MICU1: variants seen among roughly 807,000 people sequenced by gnomAD.
The protein encoded by MICU1 is mitochondrial calcium uptake 1.
In MICU1, 45 loss-of-function variants were observed where a neutral mutation model predicts 56.8. That is an observed-to-expected ratio of 0.79 (90% CI 0.62 to 1.02). The LOEUF is 1.02. MICU1 is among the 50% of genes least tolerant of loss of function. The pLI, the probability that MICU1 is intolerant of heterozygous loss-of-function variation, is 0.00. For synonymous variants in MICU1, 186 were observed against 195.1 expected, an observed-to-expected ratio of 0.95 and a Z score of 0.39; for missense variants, 504 against 587.1, an observed-to-expected ratio of 0.86 and a Z score of 1.46.
intron 10 of MICU1, among the ~76,000 whole-genome samples, chr10:72,390,164 G>A (rs1188264968): frequency 2.0e-5 from 3 of 151,842 alleles, no homozygotes; most frequent in Non-Finnish European, 2.9e-5. Context: ...TTTTCAAATG[G>A]TAGGAGGGGC....
At chr10:72,601,498 G>A (rs958954048) in intron 1 of MICU1, among the ~76,000 whole-genome samples, 3 of 150,702 alleles carry the variant, frequency 2.0e-5, no homozygotes, top group Admixed American at 6.6e-5. Context: ...AGTAAAAAGT[G>A]TATATATATG....
chr10:72,604,829 T>C (rs911480623), intron 1 of MICU1, among the ~76,000 whole-genome samples: 1 of 152,204 alleles, frequency 6.6e-6, no homozygotes, highest in African/African-American at 2.4e-5. Context: ...TAGCTAATCA[T>C]TTCTAGATAC....
intron 8 of MICU1, among the ~76,000 whole-genome samples, chr10:72,427,759 T>C (rs1057047557): frequency 1.3e-5 from 1 of 78,978 alleles, no homozygotes; most frequent in African/African-American, 4.5e-5. Flanking sequence ...TATATATATA[T>C]ATATATATAT....
chr10:72,441,914 G>A (rs1421399569), intron 8 of MICU1, among the ~76,000 whole-genome samples: 2 of 151,840 alleles, frequency 1.3e-5, no homozygotes, highest in African/African-American at 4.8e-5. Context: ...CACCACACCC[G>A]GTCTCAAGTC....
chr10:72,449,440 G>A (rs1865227469), intron 8 of MICU1, among the ~76,000 whole-genome samples: 1 of 152,002 alleles, frequency 6.6e-6, no homozygotes, highest in African/African-American at 2.4e-5. Flanking sequence ...GTCTCACTAT[G>A]TTGCCCAGGC....
chr10:72,521,964 T>A (rs1867836448), intron 5 of MICU1, among the ~76,000 whole-genome samples: 1 of 152,114 alleles, frequency 6.6e-6, no homozygotes, highest in Non-Finnish European at 1.5e-5. Context: ...TTATAATTTT[T>A]AATTAATAAA....
At chr10:72,439,115 C>A (rs1296660466) in intron 8 of MICU1, among the ~76,000 whole-genome samples, 1 of 152,130 alleles carries the variant, frequency 6.6e-6, no homozygotes, top group African/African-American at 2.4e-5. Context: ...AATTTTAGAC[C>A]AATATCGCTG....
rs1178258717 is a variant in MICU1, at chr10:72,495,970, A to T, written c.652+12185T>A. Among the ~76,000 whole-genome samples the T allele has an allele frequency of 3.4e-5, 5 of 145,392 alleles. No individual in the cohort carries two copies. The East Asian group carries it at 6.0e-4, about 17-fold the overall frequency. On this transcript the variant is annotated intron_variant, in intron 6 of 11. Coordinates refer to ENST00000361114, the MANE Select transcript of MICU1 (RefSeq NM_001195518.2). ...TATTCATACTAAGTCATCATTTGGAATTTTTTTTTTTTTTGAGACAAGGTC... is the reference window on the plus strand; with the variant it reads ...TATTCATACTAAGTCATCATTTGGATTTTTTTTTTTTTTTGAGACAAGGTC...
chr10:72,605,019 T>C (rs1363813368), intron 1 of MICU1, among the ~76,000 whole-genome samples: 1 of 152,146 alleles, frequency 6.6e-6, no homozygotes, highest in African/African-American at 2.4e-5. Flanking sequence ...ATGCCTAACA[T>C]GCAGCAAATT....
rs757843728 is a variant in MICU1, at chr10:72,408,015, T to G, written c.1094A>C (p.Glu365Ala). 1 of 1,613,602 alleles carries G rather than the reference T, an allele frequency of 6.2e-7. No individual in the cohort carries two copies. Among genetic ancestry groups the G allele is most frequent in the East Asian group, 2.2e-5 (1 of 44,882 alleles). Residue 365 changes from glutamate (E) to alanine (A), a missense_variant, in exon 10 of 12, where the codon GAG becomes GCG. By Grantham distance (107) the Glu-to-Ala change is moderately radical (BLOSUM62 -1). Transcript: ENST00000361114. ...EGKGLTFQEV[E>A]NFFTFLKNIN... ...GTTCTTTAGGAAAGTAAAGAAGTTC[T>G]CCACCTCCTGAAATGTCAGACCCTG...
intron 1 of MICU1, among the ~76,000 whole-genome samples, chr10:72,577,928 T>G (rs1417321560): frequency 6.6e-6 from 1 of 152,130 alleles, no homozygotes; most frequent in East Asian, 1.9e-4. Context: ...GAAATGACCA[T>G]AAAGGATTTA....
intron 1 of MICU1, among the ~76,000 whole-genome samples, chr10:72,611,062 T>C (rs1186691314): frequency 6.6e-6 from 1 of 151,950 alleles, no homozygotes; most frequent in Non-Finnish European, 1.5e-5. Context: ...CCCAGCACTT[T>C]GGGAGGCCGA....
intron 1 of MICU1, among the ~76,000 whole-genome samples, chr10:72,592,014 G>GTT (rs780078958): frequency 8.7e-5 from 12 of 137,256 alleles, no homozygotes; most frequent in African/African-American, 2.1e-4. Context: ...TGGTTTTTTT[G>GTT]TTTTTTTTTT....
chr10:72,532,283 A>T (rs1839508731), intron 5 of MICU1, among the ~76,000 whole-genome samples: 1 of 151,472 alleles, frequency 6.6e-6, no homozygotes, highest in Non-Finnish European at 1.5e-5. Context: ...GCTCCACTGC[A>T]CTCCAGCCCA....
At chr10:72,506,525 AT>A (rs1326826899) in intron 6 of MICU1, among the ~76,000 whole-genome samples, 1 of 152,208 alleles carries the variant, frequency 6.6e-6, no homozygotes, top group Non-Finnish European at 1.5e-5. Context: ...AATTTGGGTC[AT>A]TTTTTAAAAA....
At chr10:72,609,259 T>A (rs1372851482) in intron 1 of MICU1, among the ~76,000 whole-genome samples, 1 of 152,162 alleles carries the variant, frequency 6.6e-6, no homozygotes, top group African/African-American at 2.4e-5. Flanking sequence ...GGGTTTCTGT[T>A]TGAGAAGATG....
At chr10:72,412,378 A>G (rs913831774) in intron 9 of MICU1, among the ~76,000 whole-genome samples, 3 of 152,242 alleles carry the variant, frequency 2.0e-5, no homozygotes, top group African/African-American at 4.8e-5. Flanking sequence ...TTGTTCAACA[A>G]ACTGGTTATC....
At chr10:72,526,246 G>A (rs1867958245) in intron 5 of MICU1, among the ~76,000 whole-genome samples, 1 of 152,154 alleles carries the variant, frequency 6.6e-6, no homozygotes, top group South Asian at 2.1e-4. Flanking sequence ...CAGCAGGTGT[G>A]AAAGGATATG....
chr10:72,531,515 C>T (rs1159614716), intron 5 of MICU1: 7 of 151,958 alleles, frequency 4.6e-5, no homozygotes, highest in Non-Finnish European at 7.4e-5. Flanking sequence ...GTCAGGATAT[C>T]GAGACCATCC....
Sources: gnomAD v4.1 joint callset for allele counts (sites outside exome capture counted in the v4.1 genomes callset) on GRCh38, gnomAD v4.1.1 for gene constraint, MANE v1.5 for transcripts, NCBI Gene and HGNC (gene_info 2026-07-23, HGNC 2026-07-21) for gene names.